RFTN2: variants seen among roughly 807,000 people sequenced by gnomAD.
RFTN2 encodes the protein raftlin-2.
RFTN2 carries 34 observed loss-of-function variants against 52.7 expected under a neutral mutation model. The observed-to-expected ratio is 0.64, with a 90% CI of 0.49 to 0.86. RFTN2 has a LOEUF of 0.86. Among genes scored for constraint, RFTN2 ranks in the 40% least tolerant of loss-of-function variants. The pLI, the probability that RFTN2 is intolerant of heterozygous loss-of-function variation, is 0.00. For synonymous variants in RFTN2, 203 were observed against 217.7 expected (o/e 0.93, Z 0.59); for missense variants, 536 against 600.1 (o/e 0.89, Z 1.12).
intron 7 of RFTN2, among the ~76,000 whole-genome samples, chr2:197,599,017 C>T (rs971143825): frequency 6.6e-6 from 1 of 151,494 alleles, no homozygotes; most frequent in African/African-American, 2.4e-5. Context: ...AGTGGCACGA[C>T]CTCGGCTCAC....
Position 197,633,598 on chromosome 2 carries a change from G to A in RFTN2, c.718+120C>T, listed in dbSNP as rs569677977. The A allele has an allele frequency of 1.6e-5, 13 of 803,938 alleles. No homozygotes were observed. In the East Asian group the frequency reaches 1.8e-4, roughly 11 times the overall value. 49.8% of individuals were successfully genotyped at this position (803,938 alleles called of 1,614,324 possible). ...TTTAAAAATCATGAGGTTTTTATTAGTTCATTTAGTCATTATAATCTTTAG... is the reference window on the plus strand; with the variant it reads ...TTTAAAAATCATGAGGTTTTTATTAATTCATTTAGTCATTATAATCTTTAG... On this transcript the variant is annotated intron_variant, in intron 4 of 8. Coordinates refer to ENST00000295049, the MANE Select transcript of RFTN2 (RefSeq NM_144629.3).
At chr2:197,638,854 G>T (rs2088612966) in intron 3 of RFTN2, among the ~76,000 whole-genome samples, 2 of 149,076 alleles carry the variant, frequency 1.3e-5, no homozygotes, top group African/African-American at 4.9e-5. Context: ...TTACATTTTG[G>T]CATGATTTTG....
chr2:197,631,148 C>A lies in RFTN2; in HGVS notation c.791G>T (p.Gly264Val), dbSNP rs962378133. 1.2e-6 allele frequency: 2 copies of A among 1,613,356 alleles called. No homozygotes were observed. The highest frequency in any genetic ancestry group is 8.5e-7 in the Non-Finnish European group (1 of 1,179,486). Residue 264 changes from glycine (G) to valine (V), a missense_variant, in exon 5 of 9, where the codon GGC (glycine) becomes GTC (valine). Physicochemically the swap from Gly to Val is moderately radical, Grantham distance 109. Transcript: ENST00000295049. The part of the protein sequence containing the change: ...DDSTSWAYQE[G>V]ILSMKVTRKG... ...TCTTGTTACTTTCATTGACAGGATG[C>A]CTTCCTGATAGGCCCAGGAGGTTGA...
chr2:197,611,139 G>C (rs138850927), intron 7 of RFTN2, among the ~76,000 whole-genome samples: 2 of 152,164 alleles, frequency 1.3e-5, no homozygotes, highest in Admixed American at 6.5e-5. Flanking sequence ...AATGAGTTAG[G>C]GGGGAGTCCC....
chr2:197,641,102 G>GA (rs2088666386), intron 3 of RFTN2, among the ~76,000 whole-genome samples: 1 of 152,196 alleles, frequency 6.6e-6, no homozygotes, highest in Non-Finnish European at 1.5e-5. Context: ...GGAGAAGAAA[G>GA]AAAAAGAATT....
In RFTN2 at chr2:197,646,540, C is replaced by G. The variant is rs757592246; in HGVS notation, c.266G>C (p.Arg89Pro). 14 of 1,614,050 alleles carry G rather than the reference C, an allele frequency of 8.7e-6. No homozygotes were observed. Among genetic ancestry groups the G allele is most frequent in the Non-Finnish European group, 1.1e-5 (13 of 1,179,980 alleles). The stretch of plus-strand genomic sequence containing the variant: ...TAGGTAACTTGCAGGTAGGTGTTTT[C>G]GCTGCCCCACAGGTTGTATAACAGG... ...IHPVIQPVGQ[R>P]KHLPASYLYR... The change falls in exon 2 of 9, where the codon CGA becomes CCA. Residue 89 changes from arginine (R) to proline (P), a missense_variant. Arg to Pro is a moderately radical substitution (Grantham distance 103). Coordinates refer to ENST00000295049, the MANE Select transcript of RFTN2 (RefSeq NM_144629.3).
chr2:197,646,862 C>T (rs1245778102), intron 1 of RFTN2, among the ~76,000 whole-genome samples, 196 bp from the exon 2 acceptor site: 1 of 73,896 alleles, frequency 1.4e-5, no homozygotes, highest in Non-Finnish European at 2.4e-5. Context: ...CCAGCCTGGG[C>T]AACATAACAG....
At chr2:197,651,807 A>C (rs1033477755) in intron 1 of RFTN2, among the ~76,000 whole-genome samples, 1 of 152,232 alleles carries the variant, frequency 6.6e-6, no homozygotes, top group Non-Finnish European at 1.5e-5. Context: ...CTCAAAAATG[A>C]TGCAAGAAAA....
chr2:197,633,431 C>G (rs1014403648), intron 4 of RFTN2, among the ~76,000 whole-genome samples: 1 of 152,126 alleles, frequency 6.6e-6, no homozygotes, highest in Non-Finnish European at 1.5e-5. Context: ...ACATGTACAG[C>G]CTCCAATTTA....
intron 5 of RFTN2, among the ~76,000 whole-genome samples, chr2:197,618,859 C>T (rs564725839): frequency 2.0e-5 from 3 of 151,652 alleles, no homozygotes; most frequent in African/African-American, 4.9e-5. Flanking sequence ...GCAGCCGCCC[C>T]GTCTGAGAAG....
chr2:197,588,085 C>G (rs2087630653), intron 8 of RFTN2: 7 of 456,026 alleles, frequency 1.5e-5, no homozygotes, highest in Non-Finnish European at 3.1e-5. Context: ...AAATTTCATT[C>G]AATCATAAAA....
At chr2:197,635,087 T>C (rs2088542706) in intron 3 of RFTN2, among the ~76,000 whole-genome samples, 1 of 152,128 alleles carries the variant, frequency 6.6e-6, no homozygotes, top group Non-Finnish European at 1.5e-5. Flanking sequence ...TATGGCTGCA[T>C]AGTATTCCAT....
intron 8 of RFTN2, among the ~76,000 whole-genome samples, chr2:197,592,014 C>T (rs1037457541): frequency 1.2e-4 from 19 of 152,132 alleles, no homozygotes; most frequent in Non-Finnish European, 2.6e-4. Context: ...CATGGTGCAG[C>T]GGCGGGCTGA....
rs2106152116 is a variant in RFTN2 at position 197,569,210 on chromosome 2, A to T, written c.*2798T>A. On this transcript the variant is annotated 3_prime_UTR_variant, in exon 9 of 9. Coordinates refer to ENST00000295049, the MANE Select transcript of RFTN2 (RefSeq NM_144629.3). Reference sequence around the variant, plus strand: ...GGGGAATGGCAGATCTTCACCCAACATCTGGGATCTTGATACCTTTCATTA... The same window carrying T: ...GGGGAATGGCAGATCTTCACCCAACTTCTGGGATCTTGATACCTTTCATTA... 6.6e-6 allele frequency: 1 copy of T among 152,334 alleles called. No individual in the cohort carries two copies. Among genetic ancestry groups the T allele is most frequent in the Non-Finnish European group, 1.5e-5 (1 of 68,032 alleles). The allele number at this position is 152,334 out of a possible 1,614,324, so 9.4% of individuals were successfully genotyped here.
At chr2:197,588,519 T>C (rs1247116902) in intron 8 of RFTN2, among the ~76,000 whole-genome samples, 1 of 152,218 alleles carries the variant, frequency 6.6e-6, no homozygotes, top group Admixed American at 6.5e-5. Context: ...CCCAGTCCTT[T>C]TTATTTCTGA....
In RFTN2 at chr2:197,629,736, T is replaced by TTTTA. The variant is rs1559356005; in HGVS notation, c.928+1274_928+1275insTAAA. 2.1e-4 allele frequency among the ~76,000 whole-genome samples: 15 copies of TTTTA among 71,280 alleles called. No homozygotes were observed. The South Asian group carries it at 3.2e-3, about 15-fold the overall frequency. 46.8% of individuals were successfully genotyped at this position (71,280 alleles called of 152,430 possible). A position where few individuals can be genotyped will look rare whatever the true frequency, so the allele number is the denominator to read the frequency against. ...ATTTTATTTTATTTTATTTTATTTTTTTTTGAGACAGTGTCTTACTCTGTC... is the reference window on the plus strand; with the variant it reads ...ATTTTATTTTATTTTATTTTATTTTTTTTATTTTGAGACAGTGTCTTACTCTGTC... On this transcript the variant is annotated intron_variant, in intron 5 of 8. Coordinates refer to ENST00000295049, the MANE Select transcript of RFTN2 (RefSeq NM_144629.3).
chr2:197,657,025 T>TA (rs143003973), intron 1 of RFTN2, among the ~76,000 whole-genome samples: 5 of 150,730 alleles, frequency 3.3e-5, no homozygotes, highest in Admixed American at 1.3e-4. Flanking sequence ...GTTAAAAAAA[T>TA]AAAAAAAAAA....
At chr2:197,608,626 T>A (rs2088001265) in intron 7 of RFTN2, among the ~76,000 whole-genome samples, 1 of 30,540 alleles carries the variant, frequency 3.3e-5, no homozygotes, top group Admixed American at 3.8e-4. Context: ...GACCAGACTT[T>A]TTTTTTTTTT....
intron 8 of RFTN2, among the ~76,000 whole-genome samples, chr2:197,590,182 G>A (rs1249896657): frequency 6.6e-6 from 1 of 152,076 alleles, no homozygotes; most frequent in Non-Finnish European, 1.5e-5. Flanking sequence ...TGAGATTACA[G>A]GTGTGAGCCA....
Sources: gnomAD v4.1 joint callset for allele counts (sites outside exome capture counted in the v4.1 genomes callset) on GRCh38, gnomAD v4.1.1 for gene constraint, MANE v1.5 for transcripts, NCBI Gene and HGNC (gene_info 2026-07-23, HGNC 2026-07-21) for gene names.